Variants in CUX1 observed in about 807,000 individuals in gnomAD.
The protein encoded by CUX1 is protein CASP.
CUX1 carries 31 observed loss-of-function variants against 158.8 expected under a neutral mutation model. The observed-to-expected ratio is 0.20, with a 90% CI of 0.15 to 0.26. The LOEUF (loss-of-function observed/expected upper bound fraction) is 0.26. CUX1 is among the 10% of genes least tolerant of loss of function. The pLI, the probability that CUX1 is intolerant of heterozygous loss-of-function variation, is 1.00. For synonymous variants in CUX1, 879 were observed against 862.1 expected (o/e 1.02, Z -0.34); for missense variants, 1,589 against 2,014.6 (o/e 0.79, Z 4.04).
At chr7:102,227,274 C>T (rs1272352464) in intron 20 of CUX1, 93 bp from the exon 21 acceptor site, 9 of 1,098,840 alleles carry the variant, frequency 8.2e-6, no homozygotes, top group Non-Finnish European at 1.2e-5. Context: ...TCCTACAGAG[C>T]GTTTAATTAG....
chr7:102,183,686 G>A (rs797040039), intron 11 of CUX1, among the ~76,000 whole-genome samples: 2 of 152,174 alleles, frequency 1.3e-5, no homozygotes, highest in South Asian at 2.1e-4. Context: ...GGGGGTCCCC[G>A]TGAGACCGAA....
intron 20 of CUX1, among the ~76,000 whole-genome samples, chr7:102,225,865 G>A (rs1563443458): frequency 6.6e-6 from 1 of 152,196 alleles, no homozygotes; most frequent in Admixed American, 6.5e-5. Context: ...AGAGAGCATG[G>A]CCTGGGCCCT....
rs73712454 is a variant in CUX1 at position 102,282,795 on chromosome 7, G to T, written c.1967+19G>T. 0.28 allele frequency: 450,549 copies of T among 1,593,692 alleles called. 66,239 individuals carry two copies. The highest frequency in any genetic ancestry group is 0.34 in the Admixed American group (19,623 of 58,030). Reference sequence around the variant, plus strand: ...CCAAGAAGTGAGGACCCCCACTTGGGCCCCCCCTCAGCCCCACAGCGAGCT... The same window carrying T: ...CCAAGAAGTGAGGACCCCCACTTGGTCCCCCCCTCAGCCCCACAGCGAGCT... On this transcript the variant is annotated intron_variant, in intron 22 of 22. Transcript: ENST00000292538.
chr7:102,004,121 C>G (rs955075632), intron 2 of CUX1, among the ~76,000 whole-genome samples: 2 of 152,198 alleles, frequency 1.3e-5, no homozygotes, highest in African/African-American at 4.8e-5. Flanking sequence ...CAAGGTGGAC[C>G]AGGTGAGCTA....
chr7:101,924,412 CCT>C (rs1470361198), intron 2 of CUX1, among the ~76,000 whole-genome samples: 3 of 151,970 alleles, frequency 2.0e-5, no homozygotes, highest in African/African-American at 7.3e-5. Context: ...CACAGGCTGC[CCT>C]GAGATAGTCA....
At chr7:102,234,277 G>A (rs372302380) in intron 22 of CUX1, 37 bp downstream of exon 22, 291 of 1,464,052 alleles carry the variant, frequency 2.0e-4, no homozygotes, top group Middle Eastern at 1.9e-4. Context: ...GGCTGCGTCC[G>A]CATTCATAGA....
chr7:102,124,043 G>A (rs927775151), intron 8 of CUX1, among the ~76,000 whole-genome samples: 8 of 152,262 alleles, frequency 5.3e-5, no homozygotes, highest in South Asian at 4.1e-4. Context: ...TGGGTTTGGC[G>A]TGCATTCCTA....
intron 8 of CUX1, among the ~76,000 whole-genome samples, chr7:102,132,131 G>GAGATGGATGGGCGGGTGGAT (rs782359620): frequency 6.8e-6 from 1 of 147,754 alleles, no homozygotes; most frequent in Non-Finnish European, 1.5e-5. Flanking sequence ...GAGCTTTGTG[G>GAGATGGATGGGCGGGTGGAT]AGATGGATGG....
At chr7:102,033,967 G>A (rs1207467390) in intron 3 of CUX1, among the ~76,000 whole-genome samples, 1 of 151,768 alleles carries the variant, frequency 6.6e-6, no homozygotes, top group Non-Finnish European at 1.5e-5. Context: ...CCAACATGGT[G>A]CAACCCCATC....
chr7:102,068,075 C>A (rs1288405868), intron 3 of CUX1, among the ~76,000 whole-genome samples: 1 of 151,616 alleles, frequency 6.6e-6, no homozygotes, highest in South Asian at 2.1e-4. Flanking sequence ...AAATTCACAA[C>A]CTTGTTTTTT....
chr7:102,016,521 G>GA (rs1818609967), intron 2 of CUX1, among the ~76,000 whole-genome samples: 1 of 151,930 alleles, frequency 6.6e-6, no homozygotes, highest in Non-Finnish European at 1.5e-5. Context: ...AAAAATAATG[G>GA]TACTCCAAAA....
At chr7:101,996,757 A>C (rs1293115497) in intron 2 of CUX1, among the ~76,000 whole-genome samples, 1 of 145,076 alleles carries the variant, frequency 6.9e-6, no homozygotes, top group African/African-American at 2.6e-5. Context: ...TTGACCTTTC[A>C]TTTTGTGACT....
intron 1 of CUX1, among the ~76,000 whole-genome samples, chr7:101,821,694 T>TTTTG (rs1279907411): frequency 3.1e-5 from 4 of 131,034 alleles, no homozygotes; most frequent in African/African-American, 1.2e-4. Flanking sequence ...TTTTTTTTTT[T>TTTTG]TTTGAGACGT....
Position 102,239,459 on chromosome 7 carries a change from G to A in CUX1, c.3762G>A (p.Glu1254=), listed in dbSNP as rs782801426. 2.5e-6 allele frequency: 4 copies of A among 1,614,058 alleles called. No individual in the cohort carries two copies. The highest frequency in any genetic ancestry group is 2.7e-5 in the African/African-American group (2 of 75,056). The part of the protein sequence containing the change: ...LKKPRVVLAP[E]EKEALKRAYQ... Reference sequence around the variant, plus strand: ...AACCCCGGGTGGTGCTGGCTCCGGAGGAGAAGGAGGCGCTGAAACGAGCGT... The same window carrying A: ...AACCCCGGGTGGTGCTGGCTCCGGAAGAGAAGGAGGCGCTGAAACGAGCGT... Residue 1254 remains glutamate, a synonymous_variant, in exon 23 of 24, where the codon GAG becomes GAA. Coordinates refer to ENST00000292535, the MANE Select transcript of CUX1 (RefSeq NM_181552.4).
chr7:102,050,827 C>T (rs535696771), intron 3 of CUX1, among the ~76,000 whole-genome samples: 3 of 152,002 alleles, frequency 2.0e-5, no homozygotes, highest in South Asian at 2.1e-4. Flanking sequence ...CTCAACCTCT[C>T]GAGTAGCTGG....
chr7:102,273,091 T>G (rs1586517275), intron 14 of CUX1, among the ~76,000 whole-genome samples: 1 of 152,246 alleles, frequency 6.6e-6, no homozygotes, highest in East Asian at 1.9e-4. Context: ...TCCTAATCCC[T>G]GACCTGAGCT....
intron 9 of CUX1, among the ~76,000 whole-genome samples, chr7:102,170,067 G>A (rs546471154): frequency 1.3e-5 from 2 of 152,306 alleles, no homozygotes; most frequent in Admixed American, 6.5e-5. Flanking sequence ...GTTTACCCGT[G>A]AGAATTACTC....
At chr7:101,955,090 T>C (rs2129164878) in intron 2 of CUX1, among the ~76,000 whole-genome samples, 1 of 151,366 alleles carries the variant, frequency 6.6e-6, no homozygotes, top group South Asian at 2.1e-4. Context: ...GCTTGAACCC[T>C]GGTGGCGGAG....
intron 1 of CUX1, among the ~76,000 whole-genome samples, chr7:101,841,796 A>G (rs1033269685): frequency 5.3e-5 from 8 of 151,784 alleles, no homozygotes; most frequent in African/African-American, 1.7e-4. Flanking sequence ...CTGACCTTGC[A>G]TGAGCCACCC....
Sources: gnomAD v4.1 joint callset for allele counts (sites outside exome capture counted in the v4.1 genomes callset) on GRCh38, gnomAD v4.1.1 for gene constraint, MANE v1.5 for transcripts, NCBI Gene and HGNC (gene_info 2026-07-23, HGNC 2026-07-21) for gene names.